The following TET3 variants were observed in gnomAD, a reference collection of about 807,000 sequenced individuals.
TET3 encodes the protein tet methylcytosine dioxygenase 3.
In TET3, 19 loss-of-function variants were observed where a neutral mutation model predicts 141.4. That is an observed-to-expected ratio of 0.13 (90% CI 0.09 to 0.20). TET3 has a LOEUF of 0.20. Ranked by LOEUF, TET3 falls within the 10% of genes least tolerant of loss-of-function variation. The pLI, the probability that TET3 is intolerant of heterozygous loss-of-function variation, is 1.00. For synonymous variants in TET3, 1,043 were observed against 980.9 expected, an observed-to-expected ratio of 1.06 and a Z score of -1.18; for missense variants, 1,874 against 2,356.9, an observed-to-expected ratio of 0.80 and a Z score of 4.24.
In TET3 at chr2:74,102,076, TC is replaced by T; in HGVS notation, c.5292del (p.Thr1765ProfsTer89). On this transcript the variant is annotated frameshift_variant, in exon 12 of 12. Transcript: ENST00000409262. LOFTEE classifies it high-confidence loss of function. ...EPQQKEKKGV[V>X]PTRQALAVPT... Reference sequence around the variant, plus strand: ...CAGCAGAAAGAGAAGAAGGGGGTCGTCCCCACCCGGCAGGCACTGGCTGTGC... The same window carrying T: ...CAGCAGAAAGAGAAGAAGGGGGTCGTCCCACCCGGCAGGCACTGGCTGTGC... 6.6e-7 allele frequency: 1 copy of T among 1,509,092 alleles called. No individual in the cohort carries two copies. Among genetic ancestry groups the T allele is most frequent in the South Asian group, 1.4e-5 (1 of 73,978 alleles). The allele number at this position is 1,509,092 out of a possible 1,614,324, so 93.5% of individuals were successfully genotyped here.
intron 3 of TET3, among the ~76,000 whole-genome samples, chr2:74,025,767 C>T (rs367562062): frequency 7.2e-5 from 11 of 152,070 alleles, no homozygotes; most frequent in Non-Finnish European, 1.2e-4. Context: ...TTTAAGTCTC[C>T]TTTAATCTGG....
At chr2:74,070,652 T>C (rs1048648343) in intron 4 of TET3, among the ~76,000 whole-genome samples, 4 of 152,334 alleles carry the variant, frequency 2.6e-5, no homozygotes, top group African/African-American at 9.6e-5. Context: ...TGCTGAATTA[T>C]GGGTTGTGTC....
At position 74,104,273 on chromosome 2, in the gene TET3, AAAT is replaced by A. The variant is rs1304288102; in HGVS notation, c.*2099_*2101del. The A allele has an allele frequency of 2.0e-4, 31 of 152,352 alleles. No individual in the cohort carries two copies. The highest frequency in any genetic ancestry group is 7.5e-4 in the African/African-American group (31 of 41,582). The allele number at this position is 152,352 out of a possible 1,614,324, so 9.4% of individuals were successfully genotyped here. On this transcript the variant is annotated 3_prime_UTR_variant, in exon 12 of 12. Transcript: ENST00000409262. The stretch of plus-strand genomic sequence containing the variant: ...ATTTATTTTACAGGACAAAAAAATG[AAAT>A]ATTATTGCTTTTGAAATAAATACCC...
At chr2:74,061,167 G>A (rs7574306) in intron 4 of TET3, among the ~76,000 whole-genome samples, 37,799 of 140,398 alleles carry the variant, frequency 0.27, 5,371 homozygotes, top group African/African-American at 0.32. Context: ...CTTCCCTCCC[G>A]GACGGGGCGG....
the TET3 span, among the ~76,000 whole-genome samples, chr2:74,128,683 T>A: frequency 5.4e-5 from 8 of 148,988 alleles, no homozygotes; most frequent in South Asian, 6.3e-4. Context: ...TATAAAAAAA[T>A]AATAAAGACT....
At position 74,033,532 on chromosome 2, in the gene TET3, A is replaced by G. The variant is rs77907063; in HGVS notation, c.361-12746A>G. ...TTTAAGCAGTTGTGTACATCTACTGATTAAATATTATAAACAGGCATACGT... is the reference window on the plus strand; with the variant it reads ...TTTAAGCAGTTGTGTACATCTACTGGTTAAATATTATAAACAGGCATACGT... On this transcript the variant is annotated intron_variant, in intron 3 of 11. Transcript: ENST00000409262. Among the ~76,000 whole-genome samples the G allele has an allele frequency of 1.5e-3, 232 of 152,274 alleles. 7 individuals carry two copies. In the East Asian group the frequency reaches 0.042, roughly 28 times the overall value.
Position 74,100,439 on chromosome 2 carries a change from C to T in TET3, c.3651C>T (p.Ser1217=). The T allele has an allele frequency of 6.3e-7, 1 of 1,578,102 alleles. No homozygotes were observed. Among genetic ancestry groups the T allele is most frequent in the Non-Finnish European group, 8.6e-7 (1 of 1,162,242 alleles). Residue 1217 remains serine, a synonymous_variant, in exon 12 of 12, where the codon TCC becomes TCT. Coordinates refer to ENST00000409262, the MANE Select transcript of TET3 (RefSeq NM_001287491.2). Reference sequence around the variant, plus strand: ...TGTCCCAGCAAGGCCTGAAGCCCTCCCTCAAGGTGGAGCCGCAGAACCACT... The same window carrying T: ...TGTCCCAGCAAGGCCTGAAGCCCTCTCTCAAGGTGGAGCCGCAGAACCACT... ...GGLSQQGLKP[S]LKVEPQNHFS... is the part of the protein sequence containing the mutation.
At chr2:74,134,179 G>A in the TET3 span, among the ~76,000 whole-genome samples, 2 of 152,092 alleles carry the variant, frequency 1.3e-5, no homozygotes, top group East Asian at 3.9e-4. Context: ...CTGGCCTCTG[G>A]GATTCCAAGC....
chr2:74,103,944 A>G lies in TET3; in HGVS notation c.*1768A>G, dbSNP rs764790224. The G allele has an allele frequency of 6.5e-6, 1 of 153,760 alleles. No homozygotes were observed. Among genetic ancestry groups the G allele is most frequent in the African/African-American group, 2.4e-5 (1 of 41,434 alleles). 9.5% of individuals were successfully genotyped at this position (153,760 alleles called of 1,614,324 possible). A position where few individuals can be genotyped will look rare whatever the true frequency, so the allele number is the denominator to read the frequency against. On this transcript the variant is annotated 3_prime_UTR_variant, in exon 12 of 12. Coordinates refer to ENST00000409262, the MANE Select transcript of TET3 (RefSeq NM_001287491.2). ...CATGTTTAACAATCAGATGACCGCTATAGGCAAGTTCCTGAGCTTCCGGGT... is the reference window on the plus strand; with the variant it reads ...CATGTTTAACAATCAGATGACCGCTGTAGGCAAGTTCCTGAGCTTCCGGGT...
chr2:74,084,315 C>T (rs1468912863), intron 6 of TET3, among the ~76,000 whole-genome samples: 1 of 152,168 alleles, frequency 6.6e-6, no homozygotes, highest in Non-Finnish European at 1.5e-5. Context: ...CATGAGGTAC[C>T]TAGAACAGTT....
intron 4 of TET3, among the ~76,000 whole-genome samples, chr2:74,061,187 CG>C (rs972219324): frequency 7.0e-6 from 1 of 143,544 alleles, no homozygotes; most frequent in Non-Finnish European, 1.5e-5. Context: ...GCCGGCCGGG[CG>C]GGGGGCTGAC....
At chr2:74,001,962 G>A (rs1684869164) in intron 2 of TET3, among the ~76,000 whole-genome samples, 3 of 152,016 alleles carry the variant, frequency 2.0e-5, no homozygotes, top group African/African-American at 4.8e-5. Flanking sequence ...TGGCGGGGCT[G>A]GGGGGTGATC....
chr2:74,061,212 T>C (rs1688519083), intron 4 of TET3, among the ~76,000 whole-genome samples: 1 of 134,812 alleles, frequency 7.4e-6, no homozygotes, highest in Non-Finnish European at 1.6e-5. Context: ...CCCACCTCCC[T>C]CCCGGACGGG....
At position 74,054,395 on chromosome 2, in the gene TET3, C is replaced by T. The variant is rs367555574; in HGVS notation, c.2494+5984C>T. Among the ~76,000 whole-genome samples, 6 of 152,146 alleles carry T rather than the reference C, an allele frequency of 3.9e-5. No individual in the cohort carries two copies. In the East Asian group the frequency reaches 5.8e-4, roughly 15 times the overall value. On this transcript the variant is annotated intron_variant, in intron 4 of 11. Transcript: ENST00000409262. Reference sequence around the variant, plus strand: ...GAGGAGGAGTGGTCACAGGTGACTCCTGAGGTTTCAGGCTGGGCGACTGGG... The same window carrying T: ...GAGGAGGAGTGGTCACAGGTGACTCTTGAGGTTTCAGGCTGGGCGACTGGG...
chr2:74,086,367 AG>A (rs2104047615), intron 6 of TET3, among the ~76,000 whole-genome samples: 1 of 152,026 alleles, frequency 6.6e-6, no homozygotes, highest in Non-Finnish European at 1.5e-5. Flanking sequence ...GTGGATGCCC[AG>A]GGCTCTCGCT....
chr2:74,119,720 T>C, the TET3 span, among the ~76,000 whole-genome samples: 1 of 152,254 alleles, frequency 6.6e-6, no homozygotes, highest in Non-Finnish European at 1.5e-5. Flanking sequence ...CTGGTGATTC[T>C]TGGCTGAATC....
the TET3 span, among the ~76,000 whole-genome samples, chr2:74,130,385 G>A: frequency 6.6e-6 from 1 of 152,186 alleles, no homozygotes; most frequent in Admixed American, 6.5e-5. Flanking sequence ...AGCATAGCCC[G>A]ACCAGCAATA....
At chr2:74,092,314 A>AC (rs959596742) in intron 8 of TET3, among the ~76,000 whole-genome samples, 8 of 152,132 alleles carry the variant, frequency 5.3e-5, no homozygotes, top group African/African-American at 1.9e-4. Context: ...GAAAAAAAAA[A>AC]ATTAGAATTC....
Position 74,093,756 on chromosome 2 carries a change from G to A in TET3, c.3267+90G>A. ...TTTTCAGAAAGGCAGGCTGAGGGTA[G>A]GGAGGGACCTGGAGACAGGATCCTC... On this transcript the variant is annotated intron_variant, in intron 10 of 11. Coordinates refer to ENST00000409262, the MANE Select transcript of TET3 (RefSeq NM_001287491.2). This position sits in a 1 kb window ranked among gnomAD's most constrained non-coding sequence, Gnocchi z 4.2. The A allele has an allele frequency of 7.0e-7, 1 of 1,424,684 alleles. No individual in the cohort carries two copies. Among genetic ancestry groups the A allele is most frequent in the Admixed American group, 2.3e-5 (1 of 42,632 alleles). 88.3% of individuals were successfully genotyped at this position (1,424,684 alleles called of 1,614,324 possible).
Sources: allele counts gnomAD v4.1 joint callset (sites outside exome capture counted in the v4.1 genomes callset), GRCh38; gene constraint gnomAD v4.1.1; non-coding constraint Gnocchi (gnomAD v3.1); transcripts MANE v1.5; gene names NCBI Gene and HGNC (gene_info 2026-07-23, HGNC 2026-07-21).